The following CWF19L1 variants were observed in gnomAD, a reference collection of about 807,000 sequenced individuals.
The protein encoded by CWF19L1 is CWF19 like cell cycle control factor 1, also known as CWF19-like protein 1.
Under a neutral mutation model 69.7 loss-of-function variants are expected in CWF19L1, and 60 were observed. The ratio of observed to expected loss-of-function variants is 0.86; its 90% CI spans 0.70 to 1.07. CWF19L1 has a LOEUF of 1.07. Ranked by LOEUF, CWF19L1 falls within the 50% of genes least tolerant of loss-of-function variation. The pLI, the probability that CWF19L1 is intolerant of heterozygous loss-of-function variation, is 0.00. For synonymous variants in CWF19L1, 209 were observed against 222.2 expected (o/e 0.94, Z 0.53); for missense variants, 591 against 638.9 (o/e 0.92, Z 0.81).
chr10:100,262,389 A>G, intron 1 of CWF19L1: 1 of 985,270 alleles, frequency 1.0e-6, no homozygotes, highest in Non-Finnish European at 1.2e-6. Flanking sequence ...AGTCCCATCA[A>G]TCCCTTTTTC....
At chr10:100,248,718 T>C in intron 7 of CWF19L1, 1 of 1,135,214 alleles carries the variant, frequency 8.8e-7, no homozygotes, top group South Asian at 1.2e-5. Context: ...GCAACGACCT[T>C]ACAGAGCAAG....
chr10:100,259,200 TAAA>T (rs11285407), intron 4 of CWF19L1, among the ~76,000 whole-genome samples: 10 of 128,418 alleles, frequency 7.8e-5, no homozygotes, highest in Admixed American at 8.0e-5. Flanking sequence ...GACACTGTCT[TAAA>T]AAAAAAAAAA....
intron 7 of CWF19L1, among the ~76,000 whole-genome samples, chr10:100,247,828 G>A (rs906596263): frequency 1.3e-5 from 2 of 152,090 alleles, no homozygotes; most frequent in Non-Finnish European, 2.9e-5. Flanking sequence ...CATGGGAGGT[G>A]GAGGTTGCAG....
At chr10:100,244,597 C>T (rs555935117) in intron 9 of CWF19L1, among the ~76,000 whole-genome samples, 3 of 152,082 alleles carry the variant, frequency 2.0e-5, no homozygotes, top group South Asian at 2.1e-4. Context: ...CCTCATGATC[C>T]GCCCACCTCG....
intron 4 of CWF19L1, chr10:100,258,739 G>A (rs2134317521): frequency 6.6e-6 from 1 of 152,202 alleles, no homozygotes; most frequent in Admixed American, 6.5e-5. Flanking sequence ...CAGGATTAGT[G>A]CAAAATAAGA....
At chr10:100,235,349 T>A (rs2134271959) in intron 13 of CWF19L1, among the ~76,000 whole-genome samples, 1 of 152,362 alleles carries the variant, frequency 6.6e-6, no homozygotes, top group South Asian at 2.1e-4. Context: ...CTGGCTAGAA[T>A]GCCCTCACCT....
chr10:100,266,531 T>C (rs1847591352), intron 1 of CWF19L1, among the ~76,000 whole-genome samples: 1 of 151,442 alleles, frequency 6.6e-6, no homozygotes, highest in Non-Finnish European at 1.5e-5. Context: ...TTCCTTTTTT[T>C]TTAGACGGAG....
At chr10:100,247,479 T>C (rs1002541440) in intron 7 of CWF19L1, among the ~76,000 whole-genome samples, 1 of 152,266 alleles carries the variant, frequency 6.6e-6, no homozygotes. Flanking sequence ...CTTGCACTAA[T>C]GCCACAGATA....
At chr10:100,249,077 G>C (rs541188675) in intron 7 of CWF19L1, 76 of 520,956 alleles carry the variant, frequency 1.5e-4, no homozygotes, top group African/African-American at 1.4e-3. Context: ...CCCCTGAGGG[G>C]CCACCCTGCC....
At chr10:100,248,847 AT>A (rs1846922506) in intron 7 of CWF19L1, 3 of 1,178,412 alleles carry the variant, frequency 2.5e-6, no homozygotes. Flanking sequence ...AGAGCACCAG[AT>A]TTGTGGCAGA....
intron 8 of CWF19L1, 70 bp from the exon 9 acceptor site, chr10:100,245,983 A>T: frequency 9.1e-7 from 1 of 1,103,008 alleles, no homozygotes; most frequent in South Asian, 1.3e-5. Flanking sequence ...GACCACTCAC[A>T]TACAAGGGAA....
chr10:100,258,253 A>G (rs1045491630), intron 4 of CWF19L1, among the ~76,000 whole-genome samples: 1 of 152,108 alleles, frequency 6.6e-6, no homozygotes, highest in African/African-American at 2.4e-5. Flanking sequence ...AATAATAATA[A>G]TAACTCTCAC....
At chr10:100,243,677 A>G (rs1455005960) in intron 10 of CWF19L1, 21 bp downstream of exon 10, 13 of 1,606,716 alleles carry the variant, frequency 8.1e-6, no homozygotes, top group Non-Finnish European at 1.1e-5. Flanking sequence ...CTTCTCTATA[A>G]AGTCCAAGGA....
chr10:100,255,501 G>A (rs997292045), intron 5 of CWF19L1, among the ~76,000 whole-genome samples: 4 of 151,986 alleles, frequency 2.6e-5, no homozygotes, highest in African/African-American at 7.3e-5. Flanking sequence ...AAAAAAATCC[G>A]CCTGTAATCC....
At chr10:100,259,807 A>G (rs924166680) in intron 4 of CWF19L1, among the ~76,000 whole-genome samples, 1 of 152,210 alleles carries the variant, frequency 6.6e-6, no homozygotes, top group Non-Finnish European at 1.5e-5. Flanking sequence ...CAATCACTGA[A>G]AAATCTAGCC....
chr10:100,267,461 C>T lies in CWF19L1; in HGVS notation c.23+110G>A. 5.6e-6 allele frequency: 9 copies of T among 1,603,902 alleles called. No homozygotes were observed. The South Asian group carries it at 6.7e-5, about 12-fold the overall frequency. ...TAAGCTCCCCAGCAGCCCCGTGTCT[C>T]TCCGCCTTTTCCTTCTCCCTTCCCG... On this transcript the variant is annotated intron_variant, in intron 1 of 13. Coordinates refer to ENST00000354105, the MANE Select transcript of CWF19L1 (RefSeq NM_018294.6).
intron 4 of CWF19L1, among the ~76,000 whole-genome samples, chr10:100,257,541 G>A (rs1453614259): frequency 1.3e-5 from 2 of 151,694 alleles, no homozygotes; most frequent in Non-Finnish European, 1.5e-5. Flanking sequence ...CTCGTGAACT[G>A]CCCACCTCGA....
At chr10:100,253,308 G>A (rs1847103204) in intron 6 of CWF19L1, 113 bp downstream of exon 6, 2 of 657,424 alleles carry the variant, frequency 3.0e-6, no homozygotes, top group South Asian at 3.8e-5. Flanking sequence ...TTCAGTGTCT[G>A]AGTAACCAAA....
chr10:100,235,571 G>T, intron 13 of CWF19L1, 96 bp downstream of exon 13: 1 of 811,862 alleles, frequency 1.2e-6, no homozygotes, highest in Non-Finnish European at 2.0e-6. Context: ...GGCAAGGACT[G>T]TTTACAATTT....
Sources: gnomAD v4.1 joint callset for allele counts (sites outside exome capture counted in the v4.1 genomes callset) on GRCh38, gnomAD v4.1.1 for gene constraint, MANE v1.5 for transcripts, NCBI Gene and HGNC (gene_info 2026-07-23, HGNC 2026-07-21) for gene names.